Variants in RAD50 observed in about 807,000 individuals in gnomAD.
The protein encoded by RAD50 is DNA repair protein RAD50.
A neutral mutation model predicts 168.8 loss-of-function variants in RAD50; 132 were observed. That is an observed-to-expected ratio of 0.78 (90% CI 0.68 to 0.90). The LOEUF (loss-of-function observed/expected upper bound fraction) is 0.90. Among genes scored for constraint, RAD50 ranks in the 40% least tolerant of loss-of-function variants. The pLI is 0.00. For synonymous variants in RAD50, 525 were observed against 497.4 expected (o/e 1.06, Z -0.74); for missense variants, 1,347 against 1,534.4 (o/e 0.88, Z 2.04).
chr5:132,623,471 ACT>A (rs1751318352), intron 21 of RAD50, among the ~76,000 whole-genome samples: 2 of 152,072 alleles, frequency 1.3e-5, no homozygotes, highest in South Asian at 2.1e-4. Context: ...ACAGAACGAG[ACT>A]CTGTCTCAAA....
chr5:132,632,514 T>C (rs1176079441), intron 21 of RAD50, among the ~76,000 whole-genome samples: 1 of 152,266 alleles, frequency 6.6e-6, no homozygotes, highest in African/African-American at 2.4e-5. Context: ...GGTGATAATC[T>C]TTTACGTTCA....
chr5:132,640,905 G>T, intron 24 of RAD50, 100 bp downstream of exon 24: 1 of 1,577,870 alleles, frequency 6.3e-7, no homozygotes, highest in South Asian at 1.1e-5. Flanking sequence ...TGATGAAAAC[G>T]TTCTCTAGCT....
rs377625784 is a variant in RAD50, at chr5:132,595,724, T to C, written c.2121T>C (p.Leu707=). The change falls in exon 13 of 25, where the codon CTT becomes CTC. Residue 707 remains leucine, a synonymous_variant. Coordinates refer to ENST00000378823, the MANE Select transcript of RAD50 (RefSeq NM_005732.4). ...GTGATTTGCAGTCTAAACTGCGACT[T>C]GCTCCAGATAAACTCAAGTCAACAG... is the stretch of plus-strand genomic sequence containing the variant. ...VISDLQSKLR[L]APDKLKSTES... is the part of the protein sequence containing the mutation. The C allele has an allele frequency of 1.6e-5, 26 of 1,613,930 alleles. 1 individual carries two copies. The East Asian group carries it at 2.0e-4, about 12-fold the overall frequency.
intron 23 of RAD50, 114 bp from the exon 24 acceptor site, chr5:132,640,558 T>C: frequency 1.4e-6 from 2 of 1,438,738 alleles, no homozygotes; most frequent in Non-Finnish European, 9.8e-7. Flanking sequence ...TACCTAACAG[T>C]GAACCTGTGA....
intron 2 of RAD50, among the ~76,000 whole-genome samples, chr5:132,568,229 C>A (rs541306215): frequency 6.6e-6 from 1 of 151,978 alleles, no homozygotes; most frequent in Non-Finnish European, 1.5e-5. Flanking sequence ...CACGACCATG[C>A]CCGGCTGATT....
intron 21 of RAD50, among the ~76,000 whole-genome samples, chr5:132,630,244 A>G (rs1031098055): frequency 2.0e-5 from 3 of 152,136 alleles, no homozygotes; most frequent in Admixed American, 1.3e-4. Context: ...GGGTTTCACC[A>G]TGTTGGCCAG....
intron 2 of RAD50, among the ~76,000 whole-genome samples, chr5:132,571,120 AATTACAG>A (rs1750296116): frequency 6.6e-6 from 1 of 152,236 alleles, no homozygotes; most frequent in South Asian, 2.1e-4. Context: ...GCACACAAAC[AATTACAG>A]TAGTAACATC....
At chr5:132,567,081 A>G (rs944654302) in intron 2 of RAD50, among the ~76,000 whole-genome samples, 2 of 152,238 alleles carry the variant, frequency 1.3e-5, no homozygotes, top group Non-Finnish European at 2.9e-5. Context: ...TGAAACCTAC[A>G]AAGTGCCTGT....
Position 132,644,897 on chromosome 5 carries a change from A to G in RAD50, c.*2533A>G, listed in dbSNP as rs921057392. 6.6e-6 allele frequency: 1 copy of G among 152,322 alleles called. No homozygotes were observed. The highest frequency in any genetic ancestry group is 1.5e-5 in the Non-Finnish European group (1 of 68,216). The allele number at this position is 152,322 out of a possible 1,614,324, so 9.4% of individuals were successfully genotyped here. ...GCAATCCTCCTGCCTCAGCCTCCCA[A>G]GTAGCTAGGATTACAGGCATGTACC... On this transcript the variant is annotated 3_prime_UTR_variant, in exon 25 of 25. Coordinates refer to ENST00000378823, the MANE Select transcript of RAD50 (RefSeq NM_005732.4).
chr5:132,561,744 G>A (rs79057559), intron 2 of RAD50, among the ~76,000 whole-genome samples: 6,119 of 152,086 alleles, frequency 0.04, 352 homozygotes, highest in African/African-American at 0.13. Context: ...TTGATTCCTT[G>A]TACCCACTTC....
intron 1 of RAD50, among the ~76,000 whole-genome samples, chr5:132,557,973 T>A (rs1251239523): frequency 6.7e-6 from 1 of 150,262 alleles, no homozygotes; most frequent in Non-Finnish European, 1.5e-5. Flanking sequence ...TTCTTAAAAC[T>A]CAGTCAAAAA....
In RAD50 at chr5:132,637,291, C is replaced by T. The variant is rs1378578208; in HGVS notation, c.3475+91C>T. The T allele has an allele frequency of 7.2e-6, 11 of 1,524,672 alleles. No individual in the cohort carries two copies. The Admixed American group carries it at 2.0e-4, about 27-fold the overall frequency. 94.4% of individuals were successfully genotyped at this position (1,524,672 alleles called of 1,614,324 possible). ...CCTCTCATCATGCCAGCATTACCTC[C>T]CTGGACCCCTTTCTAAGCATGTCTT... On this transcript the variant is annotated intron_variant, in intron 22 of 24. Coordinates refer to ENST00000378823, the MANE Select transcript of RAD50 (RefSeq NM_005732.4).
chr5:132,558,810 G>A (rs1750066956), intron 1 of RAD50, among the ~76,000 whole-genome samples: 2 of 151,930 alleles, frequency 1.3e-5, no homozygotes, highest in African/African-American at 4.8e-5. Flanking sequence ...GAGGCTGGGG[G>A]ATTGCTTGAG....
chr5:132,559,643 C>T lies in RAD50; in HGVS notation c.213+276C>T, dbSNP rs115906579. On this transcript the variant is annotated intron_variant, in intron 2 of 24. Transcript: ENST00000378823. Reference sequence around the variant, plus strand: ...TCCTATGTCATTAAAAAACTATCATCTGGGTGTTTGGTATGTAAGTGTTTC... The same window carrying T: ...TCCTATGTCATTAAAAAACTATCATTTGGGTGTTTGGTATGTAAGTGTTTC... Among the ~76,000 whole-genome samples, 688 of 152,264 alleles carry T rather than the reference C, an allele frequency of 4.5e-3. 5 individuals carry two copies. Among genetic ancestry groups the T allele is most frequent in the African/African-American group, 0.014 (596 of 41,556 alleles).
rs555081631 is a variant in RAD50 at position 132,640,456 on chromosome 5, T to C, written c.3619-216T>C. Among the ~76,000 whole-genome samples the C allele has an allele frequency of 7.5e-4, 114 of 152,348 alleles. 1 individual carries two copies. The highest frequency in any genetic ancestry group is 4.9e-4 in the Non-Finnish European group (33 of 68,026). On this transcript the variant is annotated intron_variant, in intron 23 of 24. Coordinates refer to ENST00000378823, the MANE Select transcript of RAD50 (RefSeq NM_005732.4). ...GCGTTGTTCTGAGCATTTTGTTTTG[T>C]GGTGAATGATAGGCTGAGATCATGC...
At chr5:132,631,366 C>T (rs1187486880) in intron 21 of RAD50, among the ~76,000 whole-genome samples, 2 of 152,120 alleles carry the variant, frequency 1.3e-5, no homozygotes, top group African/African-American at 4.8e-5. Flanking sequence ...GTGATTTACC[C>T]ACCTTGGCCT....
Position 132,595,720 on chromosome 5 carries a change from G to T in RAD50, c.2117G>T (p.Arg706Leu). The change falls in exon 13 of 25, where the codon CGA becomes CTA. Residue 706 changes from arginine to leucine, a missense_variant. Arg to Leu is a moderately radical substitution (Grantham distance 102). Coordinates refer to ENST00000378823, the MANE Select transcript of RAD50 (RefSeq NM_005732.4). ...EVISDLQSKL[R>L]LAPDKLKSTE... ...ATCAGTGATTTGCAGTCTAAACTGCGACTTGCTCCAGATAAACTCAAGTCA... is the reference window on the plus strand; with the variant it reads ...ATCAGTGATTTGCAGTCTAAACTGCTACTTGCTCCAGATAAACTCAAGTCA... 1.2e-6 allele frequency: 2 copies of T among 1,613,754 alleles called. No homozygotes were observed. Among genetic ancestry groups the T allele is most frequent in the Non-Finnish European group, 1.7e-6 (2 of 1,179,822 alleles).
In RAD50 at chr5:132,638,151, T is replaced by C. The variant is rs786201818; in HGVS notation, c.3546T>C (p.Tyr1182=). 6 of 1,614,192 alleles carry C rather than the reference T, an allele frequency of 3.7e-6. No individual in the cohort carries two copies. In the East Asian group the frequency reaches 8.9e-5, roughly 24 times the overall value. The part of the protein sequence containing the change: ...NVSASDKRRN[Y]NYRVVMLKGD... Reference sequence around the variant, plus strand: ...CAGCTTCTGATAAAAGGCGGAATTATAACTACCGAGTGGTGATGCTGAAGG... The same window carrying C: ...CAGCTTCTGATAAAAGGCGGAATTACAACTACCGAGTGGTGATGCTGAAGG... The change falls in exon 23 of 25, where the codon TAT becomes TAC. Residue 1182 remains tyrosine (Y), a synonymous_variant. Transcript: ENST00000378823.
intron 21 of RAD50, among the ~76,000 whole-genome samples, chr5:132,619,879 T>TATATATAAAG (rs1561651785): frequency 1.6e-5 from 2 of 121,990 alleles, no homozygotes; most frequent in African/African-American, 3.0e-5. Context: ...AAGATATATA[T>TATATATAAAG]ATATATAGAG....
Sources: allele counts gnomAD v4.1 joint callset (sites outside exome capture counted in the v4.1 genomes callset), GRCh38; gene constraint gnomAD v4.1.1; transcripts MANE v1.5; gene names NCBI Gene and HGNC (gene_info 2026-07-23, HGNC 2026-07-21).